Variants in HEPH observed in about 807,000 individuals in gnomAD.
The protein encoded by HEPH is hephaestin.
A neutral mutation model predicts 80.8 loss-of-function variants in HEPH; 69 were observed. The observed-to-expected ratio is 0.85, with a 90% confidence interval of 0.70 to 1.04. The LOEUF (loss-of-function observed/expected upper bound fraction) is 1.04. Among genes scored for constraint, HEPH ranks in the 50% least tolerant of loss-of-function variants. The pLI is 0.00. For missense variants in HEPH, 1,115 were observed against 891.3 expected (o/e 1.25, Z -3.20); for synonymous variants, 431 against 322.8 (o/e 1.34, Z -3.60).
At chrX:66,195,832 C>T (rs925702703) in intron 9 of HEPH, among the ~76,000 whole-genome samples, 7 of 111,483 alleles carry the variant, frequency 6.3e-5, no homozygotes, top group African/African-American at 2.3e-4. Flanking sequence ...TTTTGGATTA[C>T]TGTATCAGGA....
chrX:66,216,798 A>G (rs747603920), intron 15 of HEPH, among the ~76,000 whole-genome samples: 18 of 112,061 alleles, frequency 1.6e-4, no homozygotes, highest in Non-Finnish European at 2.6e-4. Context: ...AAGGTGAATA[A>G]CAACTTAAAG....
At chrX:66,180,764 G>T (rs1484178722) in intron 4 of HEPH, among the ~76,000 whole-genome samples, 1 of 83,999 alleles carries the variant, frequency 1.2e-5, no homozygotes, top group African/African-American at 4.5e-5. Flanking sequence ...AGTTACATAT[G>T]TATACATGTG....
intron 17 of HEPH, among the ~76,000 whole-genome samples, chrX:66,257,425 A>G (rs927350292): frequency 2.7e-5 from 3 of 112,153 alleles, no homozygotes; most frequent in African/African-American, 9.7e-5. Flanking sequence ...AATAAATAAC[A>G]TCCCTCTCTT....
At chrX:66,207,165 G>T in intron 13 of HEPH, 30 bp from the exon 14 acceptor site, 1 of 1,196,192 alleles carries the variant, frequency 8.4e-7, no homozygotes, top group Non-Finnish European at 1.1e-6. Context: ...TGATGGCCAG[G>T]TGCTGATAGT....
chrX:66,163,366 G>T (rs774664419), upstream of HEPH, among the ~76,000 whole-genome samples: 3 of 105,240 alleles, frequency 2.9e-5, no homozygotes, highest in East Asian at 3.0e-4. Context: ...GGAACATTTT[G>T]TTTTTTTTTT....
At chrX:66,208,631 CATATATATATATAT>C (rs56924616) in intron 15 of HEPH, among the ~76,000 whole-genome samples, 1,168 of 35,118 alleles carry the variant, frequency 0.033, 17 homozygotes, top group Middle Eastern at 0.16. Context: ...TATATACATA[CATATATATATATAT>C]ATATATATAT....
chrX:66,177,585 A>G (rs1387577412), intron 4 of HEPH, among the ~76,000 whole-genome samples: 1 of 111,645 alleles, frequency 9.0e-6, no homozygotes, highest in African/African-American at 3.3e-5. Context: ...TCATTTCTTA[A>G]TGAGGTCATT....
intron 15 of HEPH, among the ~76,000 whole-genome samples, chrX:66,217,835 G>A (rs1309892735): frequency 9.0e-6 from 1 of 111,261 alleles, no homozygotes; most frequent in Non-Finnish European, 1.9e-5. Context: ...GGTAAAAGGG[G>A]GGAAAAAGAT....
At chrX:66,208,940 C>G (rs972221482) in intron 15 of HEPH, among the ~76,000 whole-genome samples, 17 of 108,976 alleles carry the variant, frequency 1.6e-4, no homozygotes, top group Non-Finnish European at 3.1e-4. Context: ...AGACTGAATT[C>G]TAACCCCAGT....
rs750360126 is a variant in HEPH at position 66,266,464 on chromosome X, A to G, written c.3269A>G (p.Glu1090Gly). 1 of 1,208,526 alleles carries G rather than the reference A, an allele frequency of 8.3e-7. No homozygotes were observed. The highest frequency in any genetic ancestry group is 1.8e-5 in the South Asian group (1 of 56,733). The change falls in exon 21 of 21, where the codon GAA (glutamate) becomes GGA (glycine). Residue 1090 changes from glutamate (E) to glycine (G), a missense_variant. Glu to Gly is a moderately conservative substitution (Grantham distance 98, BLOSUM62 -2). Around this residue, in one of 3 missense-constraint regions of HEPH, gnomAD observed 716 missense variants for 523.5 expected, o/e 1.37. Transcript: ENST00000343002. ...EKAVPPRDIE[E>G]GNVKMLGMQI... ...GCAGTGCCCCCCAGAGACATTGAAG[A>G]AGGCAATGTGAAGATGCTGGGCATG...
At chrX:66,229,667 A>G (rs983855384) in intron 15 of HEPH, among the ~76,000 whole-genome samples, 64 of 112,182 alleles carry the variant, frequency 5.7e-4, no homozygotes, top group East Asian at 8.4e-4. Context: ...TATACCAGAT[A>G]TATCTTAATC....
Position 66,255,029 on chromosome X carries a change from T to A in HEPH, c.2564-6T>A. 8.5e-7 allele frequency: 1 copy of A among 1,182,976 alleles called. No homozygotes were observed. The highest frequency in any genetic ancestry group is 1.1e-6 in the Non-Finnish European group (1 of 874,090). On this transcript the variant is annotated splice_polypyrimidine_tract_variant and splice_region_variant and intron_variant, in intron 15 of 20. Transcript: ENST00000343002. ...TGCAACTGGAGGTTCCTTGTTACAC[T>A]TCTAGGTGAGGTGGTCACTTATCAG... is the stretch of plus-strand genomic sequence containing the variant.
intron 16 of HEPH, among the ~76,000 whole-genome samples, chrX:66,255,408 CACAA>C (rs1305578234): frequency 5.6e-5 from 6 of 106,770 alleles, no homozygotes; most frequent in South Asian, 3.8e-4. Flanking sequence ...AAAACAAACA[CACAA>C]ACAAACAAAA....
chrX:66,192,307 C>T lies in HEPH; in HGVS notation c.1232+9C>T. 8.4e-7 allele frequency: 1 copy of T among 1,185,573 alleles called. No individual in the cohort carries two copies. Among genetic ancestry groups the T allele is most frequent in the Middle Eastern group, 2.4e-4 (1 of 4,217 alleles). ...TTGAGAGAGCCAGGCAGGTAAGAGG[C>T]AGTGGGATCCCTCTCTTTAATTCTT... is the stretch of plus-strand genomic sequence containing the variant. On this transcript the variant is annotated intron_variant, in intron 7 of 20. Transcript: ENST00000343002.
chrX:66,171,024 T>C (rs2086574020), intron 2 of HEPH: 1 of 303,397 alleles, frequency 3.3e-6, no homozygotes. Flanking sequence ...TAACAACTGT[T>C]TGACTTTAAA....
intron 16 of HEPH, 97 bp from the exon 17 acceptor site, chrX:66,256,008 A>G (rs1302127267): frequency 5.6e-6 from 3 of 536,637 alleles, no homozygotes; most frequent in Non-Finnish European, 9.2e-6. Context: ...GCTGAGAGGC[A>G]CAGTGGGCTT....
At chrX:66,178,394 G>A (rs1195135820) in intron 4 of HEPH, among the ~76,000 whole-genome samples, 7 of 112,189 alleles carry the variant, frequency 6.2e-5, no homozygotes, top group Admixed American at 9.4e-5. Context: ...GAATAATGCC[G>A]CAATAAACAT....
chrX:66,263,668 T>C lies in HEPH; in HGVS notation c.3224T>C (p.Ile1075Thr), dbSNP rs769005751. The C allele has an allele frequency of 4.1e-6, 5 of 1,208,284 alleles. No homozygotes were observed. In the African/African-American group the frequency reaches 8.8e-5, roughly 21 times the overall value. The change falls in exon 20 of 21, where the codon ATC (isoleucine) becomes ACC (threonine). Residue 1075 changes from isoleucine to threonine, a missense_variant. Around this residue, in one of 3 missense-constraint regions of HEPH, gnomAD observed 716 missense variants for 523.5 expected, o/e 1.37. Coordinates refer to ENST00000343002, the MANE Select transcript of HEPH (RefSeq NM_001367233.3). ...GAACACTTAAGCCCTCTCACCGTCA[T>C]CACCAAAGAGACTGAAAAAGGTACG... ...RTEHLSPLTV[I>T]TKETEKAVPP...
intron 15 of HEPH, among the ~76,000 whole-genome samples, chrX:66,249,893 G>A (rs2090944505): frequency 9.0e-6 from 1 of 111,483 alleles, no homozygotes; most frequent in Non-Finnish European, 1.9e-5. Context: ...GTTATTATGG[G>A]GTGGGAGTGG....
Sources: allele counts gnomAD v4.1 joint callset (sites outside exome capture counted in the v4.1 genomes callset), GRCh38; gene constraint gnomAD v4.1.1; regional missense constraint gnomAD v4.1.1; transcripts MANE v1.5; gene names NCBI Gene and HGNC (gene_info 2026-07-23, HGNC 2026-07-21).